SEMA6D: variants seen among roughly 807,000 people sequenced by gnomAD.
The protein encoded by SEMA6D is semaphorin-6D.
A neutral mutation model predicts 106.6 loss-of-function variants in SEMA6D; 35 were observed. The observed-to-expected ratio is 0.33, with a 90% CI of 0.25 to 0.44. SEMA6D has a LOEUF of 0.44. Among genes scored for constraint, SEMA6D ranks in the 20% least tolerant of loss-of-function variants. SEMA6D has a pLI of 1.00. For missense variants in SEMA6D, 1,185 were observed against 1,345.9 expected, an observed-to-expected ratio of 0.88 and a Z score of 1.87; for synonymous variants, 499 against 487.7, an observed-to-expected ratio of 1.02 and a Z score of -0.31.
intron 1 of SEMA6D, among the ~76,000 whole-genome samples, chr15:47,316,902 G>A (rs1209327848): frequency 6.6e-6 from 1 of 152,022 alleles, no homozygotes; most frequent in Admixed American, 6.5e-5. Context: ...TTCGGTTTGG[G>A]GACAAAGGAT....
intron 4 of SEMA6D, among the ~76,000 whole-genome samples, chr15:47,656,405 G>T (rs1355057548): frequency 6.6e-6 from 1 of 152,198 alleles, no homozygotes; most frequent in Non-Finnish European, 1.5e-5. Flanking sequence ...ACTGTGTAAA[G>T]TGTCCAGCGT....
intron 4 of SEMA6D, among the ~76,000 whole-genome samples, chr15:47,642,614 A>G (rs899071819): frequency 4.6e-5 from 7 of 152,182 alleles, no homozygotes; most frequent in Non-Finnish European, 8.8e-5. Context: ...GAGGAGACAC[A>G]GGGGTCAGAA....
At chr15:47,529,838 A>G (rs1014476249) in intron 3 of SEMA6D, among the ~76,000 whole-genome samples, 3 of 152,326 alleles carry the variant, frequency 2.0e-5, no homozygotes, top group African/African-American at 4.8e-5. Flanking sequence ...GTAATTTTAT[A>G]TGAAGGGGTG....
chr15:47,313,060 C>G (rs1420880767), intron 1 of SEMA6D, among the ~76,000 whole-genome samples: 1 of 152,098 alleles, frequency 6.6e-6, no homozygotes. Context: ...GCATAGCCTC[C>G]CCCATTGTCA....
At chr15:47,525,912 A>G (rs900350379) in intron 3 of SEMA6D, among the ~76,000 whole-genome samples, 2 of 152,192 alleles carry the variant, frequency 1.3e-5, no homozygotes, top group Non-Finnish European at 2.9e-5. Flanking sequence ...AAAAAAACAA[A>G]GGCGAAACAA....
At position 47,199,032 on chromosome 15, in the gene SEMA6D, G is replaced by A. The variant is rs1894543686; in HGVS notation, c.-239+14614G>A. On this transcript the variant is annotated intron_variant, in intron 1 of 19. Transcript: ENST00000558014. ...AACTACTTTACACTTTTCCCCTATT[G>A]GTTTTGCCTTTGTGCCTCAGCATCA... Among the ~76,000 whole-genome samples, 3 of 152,068 alleles carry A rather than the reference G, an allele frequency of 2.0e-5. No individual in the cohort carries two copies. In the South Asian group the frequency reaches 6.2e-4, roughly 32 times the overall value.
chr15:47,610,465 GT>G (rs200697682), intron 4 of SEMA6D, among the ~76,000 whole-genome samples: 3,064 of 152,184 alleles, frequency 0.02, 99 homozygotes, highest in African/African-American at 0.07. Context: ...TTGAATACAT[GT>G]TTTTTTATGC....
rs1383778300 is a variant in SEMA6D at position 47,227,494 on chromosome 15, CT to C, written c.-239+43083del. ...TCTTTCTCTTTCTTTTTCTTTCTTT[CT>C]TTTTTTCTTTGTTTCTCTTCTTTTT... On this transcript the variant is annotated intron_variant, in intron 1 of 19. Transcript: ENST00000558014. Among the ~76,000 whole-genome samples the C allele has an allele frequency of 1.3e-3, 127 of 98,064 alleles. 1 individual carries two copies. The highest frequency in any genetic ancestry group is 4.5e-3 in the African/African-American group (105 of 23,292). The allele number at this position is 98,064 out of a possible 152,430, so 64.3% of individuals were successfully genotyped here. A position where few individuals can be genotyped will look rare whatever the true frequency, so the allele number is the denominator to read the frequency against.
intron 1 of SEMA6D, among the ~76,000 whole-genome samples, chr15:47,256,410 GC>G (rs2033805156): frequency 6.6e-6 from 1 of 152,056 alleles, no homozygotes; most frequent in Admixed American, 6.5e-5. Context: ...CATACAGGTC[GC>G]ATAACAGTTT....
chr15:47,367,692 G>GCGCACACACACA (rs1219759915), intron 1 of SEMA6D, among the ~76,000 whole-genome samples: 2 of 73,406 alleles, frequency 2.7e-5, no homozygotes, highest in African/African-American at 8.2e-5. Context: ...GCGCGCGCGC[G>GCGCACACACACA]CACACACACA....
intron 3 of SEMA6D, among the ~76,000 whole-genome samples, chr15:47,476,332 A>G (rs1365653918): frequency 6.6e-6 from 1 of 152,202 alleles, no homozygotes; most frequent in Admixed American, 6.6e-5. Flanking sequence ...AGTGAACTTT[A>G]TAATCTTAAA....
rs554296746 is a variant in SEMA6D at position 47,548,156 on chromosome 15, T to C, written c.-86-52709T>C. Among the ~76,000 whole-genome samples, 5 of 152,258 alleles carry C rather than the reference T, an allele frequency of 3.3e-5. No individual in the cohort carries two copies. In the South Asian group the frequency reaches 6.2e-4, roughly 19 times the overall value. On this transcript the variant is annotated intron_variant, in intron 3 of 19. Coordinates refer to the SEMA6D transcript ENST00000558014. ...TGGAAATGAAGGGCTTTTCAAACTT[T>C]CCTAATTTGGTGGTTGGGAATCCCC... is the stretch of plus-strand genomic sequence containing the variant.
chr15:47,503,055 C>T (rs542623442), intron 3 of SEMA6D, among the ~76,000 whole-genome samples: 2 of 152,130 alleles, frequency 1.3e-5, no homozygotes, highest in Non-Finnish European at 2.9e-5. Flanking sequence ...ATTAACTATA[C>T]ACTATCTTAT....
At chr15:47,333,913 C>T (rs778216082) in intron 1 of SEMA6D, among the ~76,000 whole-genome samples, 24 of 152,240 alleles carry the variant, frequency 1.6e-4, no homozygotes, top group Non-Finnish European at 2.8e-4. Flanking sequence ...TTTCACCTGC[C>T]GAAGGCAATC....
intron 1 of SEMA6D, among the ~76,000 whole-genome samples, chr15:47,216,695 C>G (rs1466906162): frequency 6.6e-6 from 1 of 151,634 alleles, no homozygotes; most frequent in Non-Finnish European, 1.5e-5. Flanking sequence ...GAAAAATGGA[C>G]AAAAAAGATA....
At chr15:47,592,819 C>A (rs1014746285) in intron 3 of SEMA6D, among the ~76,000 whole-genome samples, 6 of 152,164 alleles carry the variant, frequency 3.9e-5, no homozygotes, top group Admixed American at 3.9e-4. Flanking sequence ...TTCATCGTAA[C>A]TGCATATATA....
chr15:47,651,182 T>C (rs1204720701), intron 4 of SEMA6D, among the ~76,000 whole-genome samples: 2 of 152,084 alleles, frequency 1.3e-5, no homozygotes, highest in Non-Finnish European at 2.9e-5. Flanking sequence ...GGCTGAGGCA[T>C]GGGAGTCGCT....
At chr15:47,764,399 A>G (rs1331915245) in intron 11 of SEMA6D, 94 bp downstream of exon 11, 1 of 1,454,136 alleles carries the variant, frequency 6.9e-7, no homozygotes, top group Non-Finnish European at 9.3e-7. Flanking sequence ...CCAACCTCCC[A>G]CACCAGGAAG....
At chr15:47,559,984 T>C (rs1248611844) in intron 3 of SEMA6D, among the ~76,000 whole-genome samples, 1 of 151,892 alleles carries the variant, frequency 6.6e-6, no homozygotes, top group African/African-American at 2.4e-5. Flanking sequence ...TAAAACAAAA[T>C]AAATGATAAT....
Sources: gnomAD v4.1 joint callset for allele counts (sites outside exome capture counted in the v4.1 genomes callset) on GRCh38, gnomAD v4.1.1 for gene constraint, MANE v1.5 for transcripts, NCBI Gene and HGNC (gene_info 2026-07-23, HGNC 2026-07-21) for gene names.